TECTA: variants seen among roughly 807,000 people sequenced by gnomAD.
The protein encoded by TECTA is tectorin alpha.
Under a neutral mutation model 216.8 loss-of-function variants are expected in TECTA, and 128 were observed. The observed-to-expected ratio is 0.59, with a 90% CI of 0.51 to 0.68. The LOEUF is 0.68. TECTA is among the 30% of genes least tolerant of loss of function. The pLI is 0.00. For synonymous variants in TECTA, 1,089 were observed against 1,117.1 expected, an observed-to-expected ratio of 0.97 and a Z score of 0.50; for missense variants, 2,551 against 2,786.2, an observed-to-expected ratio of 0.92 and a Z score of 1.90.
chr11:121,152,781 C>T lies in TECTA; in HGVS notation c.4106-100C>T, dbSNP rs543355660. 6 of 1,277,634 alleles carry T rather than the reference C, an allele frequency of 4.7e-6. No homozygotes were observed. In the African/African-American group the frequency reaches 5.9e-5, roughly 13 times the overall value. The allele number at this position is 1,277,634 out of a possible 1,614,324, so 79.1% of individuals were successfully genotyped here. ...AGACCTCCTGGCTCCTGCCTCTCCC[C>T]GTGCCTTTCATCTCCCTGAGTAGGT... On this transcript the variant is annotated intron_variant, in intron 12 of 23. Coordinates refer to ENST00000392793, the MANE Select transcript of TECTA (RefSeq NM_005422.4).
At chr11:121,139,875 C>T (rs928372413) in intron 11 of TECTA, among the ~76,000 whole-genome samples, 1 of 152,158 alleles carries the variant, frequency 6.6e-6, no homozygotes, top group Non-Finnish European at 1.5e-5. Context: ...GTCAAAGCTA[C>T]CCATTACAAC....
In TECTA at chr11:121,129,558, C is replaced by T. The variant is rs529124579; in HGVS notation, c.2368-80C>T. ...TCAAAAGGCTAGCAATAGGGCAGAC[C>T]GTGTCTTTATCCCACAGCCTAGGAA... On this transcript the variant is annotated intron_variant, in intron 9 of 23. Transcript: ENST00000392793. 2.9e-4 allele frequency: 414 copies of T among 1,439,690 alleles called. No individual in the cohort carries two copies. The African/African-American group carries it at 4.5e-3, about 16-fold the overall frequency. 89.2% of individuals were successfully genotyped at this position (1,439,690 alleles called of 1,614,324 possible).
At chr11:121,111,950 C>A (rs1048897466) in intron 4 of TECTA, among the ~76,000 whole-genome samples, 2 of 152,158 alleles carry the variant, frequency 1.3e-5, no homozygotes, top group African/African-American at 4.8e-5. Flanking sequence ...TTTCTGGGAT[C>A]ATCTAGAATG....
chr11:121,148,446 G>A (rs1334211310), intron 12 of TECTA, among the ~76,000 whole-genome samples: 2 of 152,060 alleles, frequency 1.3e-5, no homozygotes, highest in East Asian at 3.8e-4. Context: ...TCAGGCTGGG[G>A]GAGAGGGTGT....
intron 10 of TECTA, among the ~76,000 whole-genome samples, chr11:121,132,649 T>C (rs7105712): frequency 0.28 from 41,921 of 152,134 alleles, 6,015 homozygotes; most frequent in East Asian, 0.43. Context: ...TATCTGTTTC[T>C]GTCTCTATCT....
Position 121,187,983 on chromosome 11 carries a change from T to G in TECTA, c.6151T>G (p.Ser2051Ala). 6.2e-7 allele frequency: 1 copy of G among 1,614,156 alleles called. No homozygotes were observed. The highest frequency in any genetic ancestry group is 8.5e-7 in the Non-Finnish European group (1 of 1,180,030). Residue 2051 changes from serine (S) to alanine (A), a missense_variant, in exon 21 of 24, where the codon TCC becomes GCC. Physicochemically the swap from Ser to Ala is moderately conservative, Grantham distance 99 (BLOSUM62 1). Transcript: ENST00000392793. ...AVSLCDSEKY[S>A]CKITCPHNSR... ...GTCACTCTGCGACTCAGAAAAGTAC[T>G]CCTGTAAAATCGTAAGTGAGAGTGT...
At chr11:121,156,335 GGTT>G (rs1946940752) in intron 13 of TECTA, among the ~76,000 whole-genome samples, 1 of 151,432 alleles carries the variant, frequency 6.6e-6, no homozygotes, top group Non-Finnish European at 1.5e-5. Context: ...CTACCATGCT[GGTT>G]GTTATTATTA....
intron 7 of TECTA, among the ~76,000 whole-genome samples, chr11:121,119,039 A>G (rs573371727): frequency 4.0e-5 from 6 of 150,338 alleles, no homozygotes; most frequent in Non-Finnish European, 7.4e-5. Flanking sequence ...ACACACACAC[A>G]GTTCAGAAAA....
intron 16 of TECTA, among the ~76,000 whole-genome samples, chr11:121,164,259 G>T (rs1222890300): frequency 6.6e-6 from 1 of 152,114 alleles, no homozygotes; most frequent in Non-Finnish European, 1.5e-5. Context: ...CCACTTTGAT[G>T]TTCAGTAGAT....
chr11:121,102,873 C>T (rs921652741), intron 2 of TECTA, 144 bp downstream of exon 2: 3 of 782,072 alleles, frequency 3.8e-6, no homozygotes, highest in African/African-American at 1.7e-5. Flanking sequence ...ATTCTATTAT[C>T]AAGGGTAAAA....
chr11:121,115,107 A>C (rs1946488773), intron 6 of TECTA, among the ~76,000 whole-genome samples: 1 of 119,392 alleles, frequency 8.4e-6, no homozygotes. Context: ...CCATCCACCC[A>C]TTCACCCACT....
At chr11:121,134,345 A>ACACACACACACACACACACACG (rs954311155) in intron 10 of TECTA, among the ~76,000 whole-genome samples, 1 of 151,798 alleles carries the variant, frequency 6.6e-6, no homozygotes, top group African/African-American at 2.4e-5. Context: ...ACACACACAC[A>ACACACACACACACACACACACG]CACGCACACA....
chr11:121,125,139 C>A (rs190623373), intron 7 of TECTA, among the ~76,000 whole-genome samples, 163 bp from the exon 8 acceptor site: 2 of 152,258 alleles, frequency 1.3e-5, no homozygotes, highest in Non-Finnish European at 2.9e-5. Flanking sequence ...ATTTCCCCCC[C>A]GGCCTTTGCC....
chr11:121,104,513 C>A (rs2135048739), intron 2 of TECTA, among the ~76,000 whole-genome samples: 1 of 152,222 alleles, frequency 6.6e-6, no homozygotes, highest in East Asian at 1.9e-4. Flanking sequence ...AAGAAATTAG[C>A]CCTCCGTTGA....
intron 2 of TECTA, among the ~76,000 whole-genome samples, chr11:121,104,599 G>A (rs1290655951): frequency 6.6e-6 from 1 of 152,118 alleles, no homozygotes; most frequent in South Asian, 2.1e-4. Context: ...CTGCTTTCTG[G>A]CCGCTTTGCA....
At chr11:121,159,007 G>A (rs1254583635) in intron 14 of TECTA, among the ~76,000 whole-genome samples, 1 of 152,180 alleles carries the variant, frequency 6.6e-6, no homozygotes, top group Non-Finnish European at 1.5e-5. Context: ...ATGGAGCCAG[G>A]CCCTGGCACT....
At chr11:121,141,169 G>A (rs997929241) in intron 11 of TECTA, 10 of 152,120 alleles carry the variant, frequency 6.6e-5, no homozygotes, top group African/African-American at 1.4e-4. Context: ...CAGTTACTTC[G>A]GATTATTAAA....
chr11:121,135,712 A>G (rs977379452), intron 10 of TECTA, among the ~76,000 whole-genome samples: 2 of 152,214 alleles, frequency 1.3e-5, no homozygotes, highest in Non-Finnish European at 2.9e-5. Context: ...CTTGGATTGT[A>G]AAACAGTATT....
chr11:121,186,827 T>G (rs1447208070), intron 20 of TECTA, among the ~76,000 whole-genome samples: 3 of 152,250 alleles, frequency 2.0e-5, no homozygotes, highest in African/African-American at 7.2e-5. Flanking sequence ...CCTTTTTATC[T>G]TTATCATTTT....
Sources: gnomAD v4.1 joint callset for allele counts (sites outside exome capture counted in the v4.1 genomes callset) on GRCh38, gnomAD v4.1.1 for gene constraint, MANE v1.5 for transcripts, NCBI Gene and HGNC (gene_info 2026-07-23, HGNC 2026-07-21) for gene names.